ZSCAN1: variants seen among roughly 807,000 people sequenced by gnomAD.
The protein encoded by ZSCAN1 is zinc finger and SCAN domain containing 1.
A neutral mutation model predicts 23.8 loss-of-function variants in ZSCAN1; 23 were observed. The observed-to-expected ratio is 0.97, with a 90% CI of 0.70 to 1.37. The LOEUF (loss-of-function observed/expected upper bound fraction) is 1.37. ZSCAN1 is among the 40% of genes most tolerant of loss of function. The pLI, the probability that ZSCAN1 is intolerant of heterozygous loss-of-function variation, is 0.00. For synonymous variants in ZSCAN1, 236 were observed against 232.3 expected (o/e 1.02, Z -0.15); for missense variants, 575 against 554.0 (o/e 1.04, Z -0.38).
intron 4 of ZSCAN1, chr19:58,044,558 G>A: frequency 3.4e-6 from 2 of 596,874 alleles, no homozygotes; most frequent in Non-Finnish European, 5.6e-6. Flanking sequence ...GCCAGCGCAG[G>A]AGGCCCGAGC....
intron 1 of ZSCAN1, among the ~76,000 whole-genome samples, chr19:58,034,519 G>A (rs989052301): frequency 1.3e-5 from 2 of 151,636 alleles, no homozygotes; most frequent in East Asian, 2.0e-4. Flanking sequence ...CCCAAACACC[G>A]CTCGGCCGCG....
At position 58,053,708 on chromosome 19, in the gene ZSCAN1, C is replaced by T. The variant is rs1409636598; in HGVS notation, c.884C>T (p.Ala295Val). The T allele has an allele frequency of 6.2e-7, 1 of 1,614,100 alleles. No homozygotes were observed. The highest frequency in any genetic ancestry group is 1.1e-5 in the South Asian group (1 of 91,074). Residue 295 changes from alanine to valine, a missense_variant, in exon 6 of 6, where the codon GCC becomes GTC. Transcript: ENST00000282326. This position sits in a 1 kb window ranked among gnomAD's most constrained non-coding sequence, Gnocchi z 5.8. ...GPRGGRPFQC[A>V]DCGMVFTWVT... ...CGAGGTGGGCGGCCCTTCCAGTGTG[C>T]CGACTGTGGGATGGTCTTCACCTGG...
intron 4 of ZSCAN1, 84 bp from the exon 5 acceptor site, chr19:58,052,406 G>A (rs2073862892): frequency 2.5e-6 from 4 of 1,600,188 alleles, no homozygotes; most frequent in African/African-American, 1.3e-5. Flanking sequence ...TGGGGATGAC[G>A]CCCGTTCCTT....
At position 58,037,986 on chromosome 19, in the gene ZSCAN1, C is replaced by T. The variant is rs113374422; in HGVS notation, c.150C>T (p.Ser50=). 54,030 of 1,607,754 alleles carry T rather than the reference C, an allele frequency of 0.034. 1,078 individuals carry two copies. The highest frequency in any genetic ancestry group is 0.054 in the Middle Eastern group (329 of 6,050). Residue 50 remains serine (S), a synonymous_variant, in exon 3 of 6, where the codon AGC becomes AGT. Coordinates refer to ENST00000282326, the MANE Select transcript of ZSCAN1 (RefSeq NM_182572.4). ...GGCAGTTCCAGTACCACGTGGCGAG[C>T]GGGCCGCACCTCGCGCTGGGCCAGC... ...RFRQFQYHVA[S]GPHLALGQLW...
In ZSCAN1 at chr19:58,053,543, G is replaced by T; in HGVS notation, c.719G>T (p.Gly240Val). Residue 240 changes from glycine to valine, a missense_variant, in exon 6 of 6, where the codon GGT (glycine) becomes GTT (valine). Gly to Val is a moderately radical substitution (Grantham distance 109). Transcript: ENST00000282326. The surrounding 1 kb of genome is among the most constrained non-coding windows in gnomAD (Gnocchi z 5.8). ...GGGACTGTGATCTCGAGCCCCAAGG[G>T]TCCAAGTGCTCAGAGAATCAGTCCC... ...AEGTVISSPK[G>V]PSAQRISPRR... 6.2e-7 allele frequency: 1 copy of T among 1,614,138 alleles called. No homozygotes were observed. The highest frequency in any genetic ancestry group is 1.3e-5 in the African/African-American group (1 of 75,016).
Position 58,045,407 on chromosome 19 carries a change from C to T in ZSCAN1, c.465+4863C>T, listed in dbSNP as rs2073818606. 4.1e-6 allele frequency: 4 copies of T among 981,064 alleles called. No individual in the cohort carries two copies. Among genetic ancestry groups the T allele is most frequent in the Admixed American group, 1.7e-5 (1 of 59,236 alleles). The allele number at this position is 981,064 out of a possible 1,614,324, so 60.8% of individuals were successfully genotyped here. A position where few individuals can be genotyped will look rare whatever the true frequency, so the allele number is the denominator to read the frequency against. On this transcript the variant is annotated intron_variant, in intron 4 of 5. Coordinates refer to ENST00000282326, the MANE Select transcript of ZSCAN1 (RefSeq NM_182572.4). The surrounding 1 kb of genome is among the most constrained non-coding windows in gnomAD (Gnocchi z 4.3). ...CCATCCAGGAGATGGCCTTGAAGAA[C>T]GAGGCAGCCAAGGGCAGTGCCACCA...
chr19:58,041,221 G>A (rs1475732831), intron 4 of ZSCAN1, among the ~76,000 whole-genome samples: 2 of 152,234 alleles, frequency 1.3e-5, no homozygotes, highest in South Asian at 2.1e-4. Flanking sequence ...AACACAGCAC[G>A]GTCGAACAAT....
chr19:58,053,715 T>C lies in ZSCAN1; in HGVS notation c.891T>C (p.Cys297=), dbSNP rs200147548. The C allele has an allele frequency of 6.2e-7, 1 of 1,613,940 alleles. No homozygotes were observed. The highest frequency in any genetic ancestry group is 2.2e-5 in the East Asian group (1 of 44,842). The part of the protein sequence containing the change: ...RGGRPFQCAD[C]GMVFTWVTHF... ...GGCGGCCCTTCCAGTGTGCCGACTG[T>C]GGGATGGTCTTCACCTGGGTCACCC... Residue 297 remains cysteine, a synonymous_variant, in exon 6 of 6, where the codon TGT becomes TGC. Coordinates refer to ENST00000282326, the MANE Select transcript of ZSCAN1 (RefSeq NM_182572.4). This position sits in a 1 kb window ranked among gnomAD's most constrained non-coding sequence, Gnocchi z 5.8.
rs1238997984 is a variant in ZSCAN1, at chr19:58,053,046, G to A, written c.605-383G>A. On this transcript the variant is annotated intron_variant, in intron 5 of 5. Transcript: ENST00000282326. This position sits in a 1 kb window ranked among gnomAD's most constrained non-coding sequence, Gnocchi z 5.8. ...GTGATCTTGGCTCATTGCAACCTCC[G>A]CCTCCTGGGTTCAAGCGATTCTCCT... 2.0e-5 allele frequency among the ~76,000 whole-genome samples: 3 copies of A among 150,178 alleles called. No homozygotes were observed. The highest frequency in any genetic ancestry group is 2.0e-4 in the East Asian group (1 of 5,084).
In ZSCAN1 at chr19:58,053,896, CG is replaced by C; in HGVS notation, c.1075del (p.Glu359SerfsTer91). The C allele has an allele frequency of 1.2e-6, 2 of 1,613,244 alleles. No individual in the cohort carries two copies. The highest frequency in any genetic ancestry group is 8.5e-7 in the Non-Finnish European group (1 of 1,179,358). On this transcript the variant is annotated frameshift_variant, in exon 6 of 6. Transcript: ENST00000282326. LOFTEE classifies it low-confidence loss of function (END_TRUNC). The surrounding 1 kb of genome is among the most constrained non-coding windows in gnomAD (Gnocchi z 5.8). Reference protein sequence around the residue: ...RKKAPRSKGPRESVPPRDGAQ... With the variant: ...RKKAPRSKGPXESVPPRDGAQ... ...GAAAGCCCCCCGGAGCAAGGGCCCCCGGGAGTCCGTCCCACCCAGGGATGGA... is the reference window on the plus strand; with the variant it reads ...GAAAGCCCCCCGGAGCAAGGGCCCCCGGAGTCCGTCCCACCCAGGGATGGA...
At chr19:58,034,277 G>A (rs1044731187) in intron 1 of ZSCAN1, 116 bp downstream of exon 1, 7 of 151,044 alleles carry the variant, frequency 4.6e-5, no homozygotes, top group Non-Finnish European at 1.0e-4. Flanking sequence ...GCGGTCCAGG[G>A]GCGCGCGTCG....
chr19:58,043,045 C>T (rs2073801086), intron 4 of ZSCAN1, among the ~76,000 whole-genome samples: 1 of 152,248 alleles, frequency 6.6e-6, no homozygotes, highest in South Asian at 2.1e-4. Context: ...CGGCCCCAGG[C>T]ATTGCCGCTG....
chr19:58,048,805 A>T (rs2073841569), intron 4 of ZSCAN1, among the ~76,000 whole-genome samples: 2 of 151,902 alleles, frequency 1.3e-5, no homozygotes, highest in African/African-American at 4.8e-5. Flanking sequence ...CCCAGACTGG[A>T]GTGCAGTAGC....
chr19:58,038,190 G>A lies in ZSCAN1; in HGVS notation c.354G>A (p.Gln118=). The part of the protein sequence containing the change: ...EAASLVEDLT[Q]MCQQEVLVSL... ...CCAGCCTGGTGGAGGACCTCACACA[G>A]ATGTGCCAGCAGGAAGGTGAGAGGC... is the stretch of plus-strand genomic sequence containing the variant. Residue 118 remains glutamine, a synonymous_variant, in exon 3 of 6, where the codon CAG becomes CAA. Coordinates refer to ENST00000282326, the MANE Select transcript of ZSCAN1 (RefSeq NM_182572.4). 6.2e-7 allele frequency: 1 copy of A among 1,606,540 alleles called. No homozygotes were observed. The highest frequency in any genetic ancestry group is 8.5e-7 in the Non-Finnish European group (1 of 1,178,010).
At chr19:58,038,267 G>GAAC (rs1405361969) in intron 3 of ZSCAN1, 61 bp downstream of exon 3, 2 of 1,541,854 alleles carry the variant, frequency 1.3e-6, no homozygotes, top group African/African-American at 2.7e-5. Context: ...TCCGAGGACC[G>GAAC]AACTGCCCTC....
intron 2 of ZSCAN1, among the ~76,000 whole-genome samples, chr19:58,036,792 T>C (rs1454373025): frequency 1.3e-5 from 2 of 152,138 alleles, no homozygotes; most frequent in Admixed American, 1.3e-4. Flanking sequence ...GTTGGAGCAA[T>C]TCTCCTGCCT....
Position 58,053,973 on chromosome 19 carries a change from C to A in ZSCAN1, c.1149C>A (p.Ser383Arg). The A allele has an allele frequency of 6.2e-7, 1 of 1,601,368 alleles. No individual in the cohort carries two copies. ...PRSPKRPFQC[S>R]VCGKAFPWMV... ...GCCCCAAAAGACCCTTCCAGTGTAG[C>A]GTCTGCGGGAAGGCCTTCCCCTGGA... is the stretch of plus-strand genomic sequence containing the variant. The change falls in exon 6 of 6, where the codon AGC becomes AGA. Residue 383 changes from serine (S) to arginine (R), a missense_variant. Physicochemically the swap from Ser to Arg is moderately radical, Grantham distance 110. Transcript: ENST00000282326. The surrounding 1 kb of genome is among the most constrained non-coding windows in gnomAD (Gnocchi z 5.8).
Position 58,045,186 on chromosome 19 carries a change from C to T in ZSCAN1, c.465+4642C>T. The T allele has an allele frequency of 2.1e-6, 2 of 946,286 alleles. No homozygotes were observed. Among genetic ancestry groups the T allele is most frequent in the Non-Finnish European group, 3.5e-6 (2 of 573,452 alleles). 58.6% of individuals were successfully genotyped at this position (946,286 alleles called of 1,614,324 possible). On this transcript the variant is annotated intron_variant, in intron 4 of 5. Coordinates refer to ENST00000282326, the MANE Select transcript of ZSCAN1 (RefSeq NM_182572.4). The surrounding 1 kb of genome is among the most constrained non-coding windows in gnomAD (Gnocchi z 4.3). ...CCGCCAGGCGCGCAGGCAGTTGCTC[C>T]GGTTCTGTGCCGACCTCTTCCGCCT... is the stretch of plus-strand genomic sequence containing the variant.
At chr19:58,044,638 C>CCCG (rs2073812291) in intron 4 of ZSCAN1, 1 of 1,044,066 alleles carries the variant, frequency 9.6e-7, no homozygotes, top group Non-Finnish European at 1.4e-6. Flanking sequence ...CCGCCAGCCT[C>CCCG]CCGCCGCCGC....
Sources: allele counts gnomAD v4.1 joint callset (sites outside exome capture counted in the v4.1 genomes callset), GRCh38; gene constraint gnomAD v4.1.1; non-coding constraint Gnocchi (gnomAD v3.1); transcripts MANE v1.5; gene names NCBI Gene and HGNC (gene_info 2026-07-23, HGNC 2026-07-21).